CACNA2D1: variants seen among roughly 807,000 people sequenced by gnomAD.
The protein encoded by CACNA2D1 is voltage-dependent calcium channel subunit alpha-2/delta-1.
Under a neutral mutation model 171.5 loss-of-function variants are expected in CACNA2D1, and 53 were observed. The observed-to-expected ratio is 0.31, with a 90% CI of 0.25 to 0.39. The LOEUF (loss-of-function observed/expected upper bound fraction) is 0.39, where lower values mean the gene tolerates loss of function less well. CACNA2D1 is among the 10% of genes least tolerant of loss of function. The pLI is 1.00. For missense variants in CACNA2D1, 903 were observed against 1,299.8 expected, an observed-to-expected ratio of 0.69 and a Z score of 4.69; for synonymous variants, 442 against 443.1, an observed-to-expected ratio of 1.00 and a Z score of 0.03.
chr7:82,307,154 T>C (rs575958090), intron 3 of CACNA2D1, among the ~76,000 whole-genome samples: 1 of 152,262 alleles, frequency 6.6e-6, no homozygotes, highest in African/African-American at 2.4e-5. Flanking sequence ...ATAAGAATTA[T>C]ATAATTCTTT....
chr7:82,244,516 G>A (rs1804680217), intron 3 of CACNA2D1, among the ~76,000 whole-genome samples: 1 of 152,008 alleles, frequency 6.6e-6, no homozygotes, highest in South Asian at 2.1e-4. Context: ...GTGTTAAACT[G>A]AATCAACTAA....
chr7:82,310,600 T>C (rs964386684), intron 3 of CACNA2D1, among the ~76,000 whole-genome samples: 2 of 151,966 alleles, frequency 1.3e-5, no homozygotes, highest in African/African-American at 4.8e-5. Context: ...CATATACTAT[T>C]AATAAGAAAT....
At chr7:82,409,366 A>G (rs1216397735) in intron 1 of CACNA2D1, among the ~76,000 whole-genome samples, 2 of 152,258 alleles carry the variant, frequency 1.3e-5, no homozygotes, top group African/African-American at 2.4e-5. Flanking sequence ...GAGTTCCCCA[A>G]TTTTTTAAAG....
At chr7:82,262,438 T>A (rs929736851) in intron 3 of CACNA2D1, among the ~76,000 whole-genome samples, 1 of 152,198 alleles carries the variant, frequency 6.6e-6, no homozygotes, top group South Asian at 2.1e-4. Context: ...CTTTGGTCAC[T>A]GGCTCCAGAT....
intron 38 of CACNA2D1, among the ~76,000 whole-genome samples, chr7:81,957,212 G>A (rs1793499460): frequency 6.6e-6 from 1 of 151,960 alleles, no homozygotes; most frequent in African/African-American, 2.4e-5. Flanking sequence ...ATCTGTCTCT[G>A]TAATGACAAT....
At chr7:82,047,145 A>C (rs376674836) in intron 10 of CACNA2D1, among the ~76,000 whole-genome samples, 1 of 152,056 alleles carries the variant, frequency 6.6e-6, no homozygotes, top group Non-Finnish European at 1.5e-5. Flanking sequence ...CACTTTTCCA[A>C]CTGGAAAAAT....
chr7:82,310,773 C>T (rs879261166), intron 3 of CACNA2D1, among the ~76,000 whole-genome samples: 6 of 152,002 alleles, frequency 3.9e-5, no homozygotes, highest in Non-Finnish European at 8.8e-5. Flanking sequence ...TTTTTGAAAT[C>T]TTTTAATTAT....
At chr7:81,990,815 A>C (rs577049861) in intron 21 of CACNA2D1, among the ~76,000 whole-genome samples, 1 of 152,314 alleles carries the variant, frequency 6.6e-6, no homozygotes, top group East Asian at 1.9e-4. Flanking sequence ...GTTATATCAG[A>C]TACCACAATG....
chr7:82,378,024 C>A (rs913743509), intron 1 of CACNA2D1, among the ~76,000 whole-genome samples: 1 of 152,082 alleles, frequency 6.6e-6, no homozygotes, highest in Non-Finnish European at 1.5e-5. Flanking sequence ...ATTTTCTTTC[C>A]TGTAAAATAT....
At chr7:82,077,012 T>A (rs1364634449) in intron 7 of CACNA2D1, among the ~76,000 whole-genome samples, 1 of 152,210 alleles carries the variant, frequency 6.6e-6, no homozygotes, top group Non-Finnish European at 1.5e-5. Flanking sequence ...AAAATTTCTA[T>A]AGCAAATCTA....
chr7:82,349,425 A>G (rs967943847), intron 2 of CACNA2D1, 143 bp downstream of exon 2: 3 of 767,118 alleles, frequency 3.9e-6, no homozygotes, highest in African/African-American at 1.7e-5. Flanking sequence ...AGCAGTACCA[A>G]TGGTTTCTCT....
rs17155681 is a variant in CACNA2D1, at chr7:81,950,831, A to C, written c.3160-323T>G. 0.022 allele frequency among the ~76,000 whole-genome samples: 3,308 copies of C among 152,202 alleles called. 130 individuals are homozygous for C. The highest frequency in any genetic ancestry group is 0.075 in the African/African-American group (3,101 of 41,542). ...AGTATCAAAAATCCTATATATTTAT[A>C]AATGCAAGAAATAAATGTAAAATTT... is the stretch of plus-strand genomic sequence containing the variant. On this transcript the variant is annotated intron_variant, in intron 38 of 38. Coordinates refer to ENST00000356860, the MANE Select transcript of CACNA2D1 (RefSeq NM_000722.4).
At chr7:82,393,083 A>AAGGAAGGCAGGCAGGC (rs1208617777) in intron 1 of CACNA2D1, among the ~76,000 whole-genome samples, 1 of 82,368 alleles carries the variant, frequency 1.2e-5, no homozygotes, top group African/African-American at 5.3e-5. Flanking sequence ...GGAAGGAAGG[A>AAGGAAGGCAGGCAGGC]AGGCAGGCAG....
intron 12 of CACNA2D1, among the ~76,000 whole-genome samples, chr7:82,030,602 T>TA (rs1326863637): frequency 2.0e-5 from 3 of 151,778 alleles, no homozygotes; most frequent in Admixed American, 6.6e-5. Context: ...ATTTTTGAAA[T>TA]AAAGTATGTA....
At chr7:82,321,694 C>A (rs186594105) in intron 3 of CACNA2D1, among the ~76,000 whole-genome samples, 1 of 152,112 alleles carries the variant, frequency 6.6e-6, no homozygotes, top group African/African-American at 2.4e-5. Context: ...CCATCCCCAA[C>A]GCCCCCCATG....
intron 4 of CACNA2D1, among the ~76,000 whole-genome samples, chr7:82,137,876 A>G (rs984502480): frequency 1.3e-5 from 2 of 152,078 alleles, no homozygotes; most frequent in East Asian, 3.9e-4. Context: ...AAAATTTATT[A>G]AAAGCAAACA....
chr7:82,387,036 G>T (rs1376534369), intron 1 of CACNA2D1, among the ~76,000 whole-genome samples: 1 of 151,598 alleles, frequency 6.6e-6, no homozygotes, highest in Non-Finnish European at 1.5e-5. Flanking sequence ...TCTATAACAT[G>T]GTTAAAGAGT....
At position 82,012,847 on chromosome 7, in the gene CACNA2D1, T is replaced by C. The variant is rs145162507; in HGVS notation, c.1273-604A>G. On this transcript the variant is annotated intron_variant, in intron 14 of 38. Transcript: ENST00000356860. ...CGTTTATTTTGTAGATCTTCAGCTA[T>C]GTTTAAAAAGGAGTAGCAATTTTCA... Among the ~76,000 whole-genome samples, 1,071 of 152,230 alleles carry C rather than the reference T, an allele frequency of 7.0e-3. 48 individuals are homozygous for C. The highest frequency in any genetic ancestry group is 0.066 in the Admixed American group (1,003 of 15,278).
In CACNA2D1 at chr7:82,062,729, C is replaced by CTTTTTT. The variant is rs71520797; in HGVS notation, c.779+1569_779+1574dup. Among the ~76,000 whole-genome samples, 6 of 52,188 alleles carry CTTTTTT rather than the reference C, an allele frequency of 1.1e-4. 2 individuals carry two copies. The highest frequency in any genetic ancestry group is 1.0e-3 in the East Asian group (2 of 2,010). The allele number at this position is 52,188 out of a possible 152,430, so 34.2% of individuals were successfully genotyped here. A position where few individuals can be genotyped will look rare whatever the true frequency, so the allele number is the denominator to read the frequency against. On this transcript the variant is annotated intron_variant, in intron 9 of 38. Transcript: ENST00000356860. ...TTGTCATTTACATTAGGTATATCTC[C>CTTTTTT]TTTTTTTTTTTTTTTTTTTTTTTTT... is the stretch of plus-strand genomic sequence containing the variant.
Sources: gnomAD v4.1 joint callset for allele counts (sites outside exome capture counted in the v4.1 genomes callset) on GRCh38, gnomAD v4.1.1 for gene constraint, MANE v1.5 for transcripts, NCBI Gene and HGNC (gene_info 2026-07-23, HGNC 2026-07-21) for gene names.